Variants in EIF4G3 observed in about 807,000 individuals in gnomAD.
The protein encoded by EIF4G3 is eukaryotic translation initiation factor 4 gamma 3.
EIF4G3 carries 34 observed loss-of-function variants against 186.4 expected under a neutral mutation model. The ratio of observed to expected loss-of-function variants is 0.18; its 90% CI spans 0.14 to 0.24. EIF4G3 has a LOEUF of 0.24. Ranked by LOEUF, EIF4G3 falls within the 10% of genes least tolerant of loss-of-function variation. The pLI is 1.00. For synonymous variants in EIF4G3, 673 were observed against 679.5 expected (o/e 0.99, Z 0.15); for missense variants, 1,536 against 1,948.5 (o/e 0.79, Z 3.99).
intron 21 of EIF4G3, 37 bp downstream of exon 21, chr1:20,865,070 CAGTGCTCAA>C: frequency 6.2e-7 from 1 of 1,605,502 alleles, no homozygotes; most frequent in Non-Finnish European, 8.5e-7. Flanking sequence ...TTCTACTTTA[CAGTGCTCAA>C]AGTGTACAAG....
rs543524076 is a variant in EIF4G3 at position 21,129,734 on chromosome 1, T to C, written c.-271-40521A>G. ...AGAAGTAACAACCCCCCACCCCAAT[T>C]CCAGTGAGGAAGAATATGGAAACCA... is the stretch of plus-strand genomic sequence containing the variant. On this transcript the variant is annotated intron_variant, in intron 2 of 36. Coordinates refer to ENST00000602326, the MANE Select transcript of EIF4G3 (RefSeq NM_001391906.1). 2.6e-5 allele frequency among the ~76,000 whole-genome samples: 4 copies of C among 151,766 alleles called. No individual in the cohort carries two copies. In the East Asian group the frequency reaches 7.8e-4, roughly 30 times the overall value.
chr1:21,141,377 TTGTGTG>T (rs10627733), intron 2 of EIF4G3, among the ~76,000 whole-genome samples: 1 of 145,234 alleles, frequency 6.9e-6, no homozygotes, highest in East Asian at 2.0e-4. Flanking sequence ...TATTTTTTCT[TTGTGTG>T]TGTGTGTGTG....
chr1:20,879,054 A>G (rs2081607646), intron 20 of EIF4G3, among the ~76,000 whole-genome samples: 1 of 152,210 alleles, frequency 6.6e-6, no homozygotes, highest in African/African-American at 2.4e-5. Flanking sequence ...ATAATTTTAC[A>G]TTACTAATTT....
At chr1:20,924,765 T>C (rs2094749850) in intron 14 of EIF4G3, among the ~76,000 whole-genome samples, 1 of 152,228 alleles carries the variant, frequency 6.6e-6, no homozygotes, top group South Asian at 2.1e-4. Flanking sequence ...TTTCACCATG[T>C]TGGCCAGGCT....
intron 3 of EIF4G3, among the ~76,000 whole-genome samples, chr1:21,072,043 G>A (rs1056035197): frequency 6.6e-6 from 1 of 152,042 alleles, no homozygotes; most frequent in Non-Finnish European, 1.5e-5. Flanking sequence ...ATATGGCAAC[G>A]GTTAAGTCAA....
chr1:21,046,957 A>G (rs940139882), intron 4 of EIF4G3, among the ~76,000 whole-genome samples: 8 of 152,210 alleles, frequency 5.3e-5, no homozygotes, highest in Admixed American at 1.3e-4. Context: ...AAATGCACTT[A>G]CTAAATTTAG....
At chr1:20,880,945 T>C (rs1287866390) in intron 19 of EIF4G3, among the ~76,000 whole-genome samples, 2 of 152,336 alleles carry the variant, frequency 1.3e-5, no homozygotes, top group Middle Eastern at 3.4e-3. Context: ...TTTTGTTTTT[T>C]GTTTTGGGTA....
chr1:21,068,607 C>G (rs997743169), intron 3 of EIF4G3, among the ~76,000 whole-genome samples: 7 of 152,214 alleles, frequency 4.6e-5, no homozygotes, highest in Middle Eastern at 3.4e-3. Flanking sequence ...CCAACCTCTA[C>G]CACACACTAC....
chr1:20,886,874 T>A (rs10493002), intron 18 of EIF4G3, among the ~76,000 whole-genome samples: 4,999 of 152,172 alleles, frequency 0.033, 158 homozygotes, highest in East Asian at 0.12. Context: ...TTATATATCA[T>A]CAATGAGAGT....
chr1:20,912,752 A>G (rs2093399258), intron 14 of EIF4G3, among the ~76,000 whole-genome samples: 1 of 152,144 alleles, frequency 6.6e-6, no homozygotes, highest in South Asian at 2.1e-4. Context: ...CCAAGTTTTG[A>G]GATCTACAAG....
At chr1:20,911,095 T>C (rs2093118452) in intron 14 of EIF4G3, among the ~76,000 whole-genome samples, 1 of 152,200 alleles carries the variant, frequency 6.6e-6, no homozygotes, top group Non-Finnish European at 1.5e-5. Flanking sequence ...GATTGCTCTT[T>C]ATAAAAATAC....
chr1:21,068,378 A>G (rs1262002945), intron 3 of EIF4G3, among the ~76,000 whole-genome samples: 88 of 137,988 alleles, frequency 6.4e-4, no homozygotes, highest in African/African-American at 2.3e-3. Flanking sequence ...CTGTCTTTAA[A>G]AAAAAAAAAA....
intron 24 of EIF4G3, among the ~76,000 whole-genome samples, chr1:20,858,812 T>A (rs2075678050): frequency 6.6e-6 from 1 of 152,056 alleles, no homozygotes; most frequent in Non-Finnish European, 1.5e-5. Context: ...CTGGCCAAGA[T>A]GGTGAAACCC....
intron 20 of EIF4G3, among the ~76,000 whole-genome samples, chr1:20,870,741 C>G (rs968910609): frequency 2.6e-5 from 4 of 152,210 alleles, no homozygotes; most frequent in African/African-American, 7.2e-5. Context: ...CCACTTAATT[C>G]AGATGTCCTC....
intron 4 of EIF4G3, among the ~76,000 whole-genome samples, chr1:21,015,084 A>AGG (rs146130127): frequency 6.6e-6 from 1 of 150,422 alleles, no homozygotes; most frequent in African/African-American, 2.4e-5. Context: ...AAAAAAAAGG[A>AGG]GGGGGGGAAG....
chr1:21,106,848 C>T (rs1007814623), intron 2 of EIF4G3, among the ~76,000 whole-genome samples: 4 of 152,254 alleles, frequency 2.6e-5, no homozygotes, highest in Middle Eastern at 3.4e-3. Flanking sequence ...ACAGATGTTA[C>T]GGTAGCCATT....
chr1:20,967,795 G>A (rs1219386080), intron 12 of EIF4G3, among the ~76,000 whole-genome samples: 1 of 152,156 alleles, frequency 6.6e-6, no homozygotes, highest in Admixed American at 6.5e-5. Context: ...GAAGTCAATA[G>A]TCTATCATTC....
At position 20,997,625 on chromosome 1, in the gene EIF4G3, C is replaced by T. The variant is rs753132252; in HGVS notation, c.153G>A (p.Ala51=). ...RGWIKYCIFA[A]GPRPPHHQGG... ...CCTGATGATGGGGAGGTCGAGGCCC[C>T]GCTGCAAACTGAGAAAAGGAGGGAA... Residue 51 remains alanine, a synonymous_variant, in exon 7 of 37, where the codon GCG becomes GCA. Coordinates refer to ENST00000602326, the MANE Select transcript of EIF4G3 (RefSeq NM_001391906.1). The T allele has an allele frequency of 1.7e-5, 26 of 1,542,006 alleles. No individual in the cohort carries two copies. The highest frequency in any genetic ancestry group is 7.4e-5 in the East Asian group (3 of 40,438).
At chr1:21,154,298 AGTCAAG>A (rs2097598463) in intron 2 of EIF4G3, among the ~76,000 whole-genome samples, 1 of 152,232 alleles carries the variant, frequency 6.6e-6, no homozygotes. Context: ...AAGAAAAGTA[AGTCAAG>A]GGCGTATTTT....
Sources: allele counts gnomAD v4.1 joint callset (sites outside exome capture counted in the v4.1 genomes callset), GRCh38; gene constraint gnomAD v4.1.1; transcripts MANE v1.5; gene names NCBI Gene and HGNC (gene_info 2026-07-23, HGNC 2026-07-21).